Variants in LRFN5 observed in about 807,000 individuals in gnomAD.
The protein encoded by LRFN5 is leucine-rich repeat and fibronectin type-III domain-containing protein 5.
In LRFN5, 24 loss-of-function variants were observed where a neutral mutation model predicts 45.6. The ratio of observed to expected loss-of-function variants is 0.53; its 90% CI spans 0.38 to 0.74. The LOEUF is 0.74. LRFN5 is among the 30% of genes least tolerant of loss of function. The pLI is 0.00. For synonymous variants in LRFN5, 340 were observed against 313.8 expected, an observed-to-expected ratio of 1.08 and a Z score of -0.88; for missense variants, 776 against 861.5, an observed-to-expected ratio of 0.90 and a Z score of 1.24.
At chr14:41,875,078 A>C (rs953210486) in intron 2 of LRFN5, among the ~76,000 whole-genome samples, 5 of 152,218 alleles carry the variant, frequency 3.3e-5, no homozygotes, top group Non-Finnish European at 7.3e-5. Flanking sequence ...GAGAAAGTCA[A>C]ACAATATCAA....
chr14:41,904,257 A>C lies in LRFN5; in HGVS notation c.*82A>C. 6.7e-7 allele frequency: 1 copy of C among 1,502,218 alleles called. No homozygotes were observed. Among genetic ancestry groups the C allele is most frequent in the Non-Finnish European group, 9.2e-7 (1 of 1,085,680 alleles). The allele number at this position is 1,502,218 out of a possible 1,614,324, so 93.1% of individuals were successfully genotyped here. A position where few individuals can be genotyped will look rare whatever the true frequency, so the allele number is the denominator to read the frequency against. On this transcript the variant is annotated 3_prime_UTR_variant, in exon 6 of 6. Coordinates refer to ENST00000298119, the MANE Select transcript of LRFN5 (RefSeq NM_152447.5). ...ATAAAATTCAAAAATGTTTCAATTC[A>C]CAAAGGCTAATTGTTGAACTGGTGT...
At chr14:41,759,247 C>T (rs1885543928) in intron 1 of LRFN5, among the ~76,000 whole-genome samples, 1 of 152,086 alleles carries the variant, frequency 6.6e-6, no homozygotes, top group African/African-American at 2.4e-5. Flanking sequence ...AGAATATTTG[C>T]AGTTCTTCGA....
chr14:41,724,938 C>T (rs914452663), intron 1 of LRFN5, among the ~76,000 whole-genome samples: 1 of 152,040 alleles, frequency 6.6e-6, no homozygotes, highest in East Asian at 1.9e-4. Flanking sequence ...GACTATATTC[C>T]CTTATTTTTT....
chr14:41,713,837 G>C (rs1156432000), intron 1 of LRFN5, among the ~76,000 whole-genome samples: 1 of 152,054 alleles, frequency 6.6e-6, no homozygotes, highest in Non-Finnish European at 1.5e-5. Context: ...GTGTGTTCAT[G>C]CCTTATAACT....
intron 2 of LRFN5, among the ~76,000 whole-genome samples, chr14:41,812,111 T>C (rs1306016236): frequency 6.6e-6 from 1 of 152,096 alleles, no homozygotes; most frequent in Non-Finnish European, 1.5e-5. Context: ...AACCTTATTA[T>C]AAACTAATTA....
At chr14:41,845,292 G>A (rs921690364) in intron 2 of LRFN5, among the ~76,000 whole-genome samples, 5 of 152,094 alleles carry the variant, frequency 3.3e-5, no homozygotes, top group Non-Finnish European at 7.4e-5. Flanking sequence ...CAACCAGACA[G>A]CATGTATAGT....
At chr14:41,727,293 A>C (rs1447118028) in intron 1 of LRFN5, among the ~76,000 whole-genome samples, 1 of 152,142 alleles carries the variant, frequency 6.6e-6, no homozygotes, top group Non-Finnish European at 1.5e-5. Context: ...ATAAACATCA[A>C]ATCAGCAATG....
chr14:41,757,495 T>G (rs867239338), intron 1 of LRFN5, among the ~76,000 whole-genome samples: 4 of 152,202 alleles, frequency 2.6e-5, no homozygotes, highest in Admixed American at 2.6e-4. Flanking sequence ...GCCTTGCAGT[T>G]TGATCTCAGA....
rs1883261043 is a variant in LRFN5, at chr14:41,710,989, G to A, written c.-196-55865G>A. Among the ~76,000 whole-genome samples, 3 of 113,166 alleles carry A rather than the reference G, an allele frequency of 2.7e-5. No individual in the cohort carries two copies. The South Asian group carries it at 7.6e-4, about 29-fold the overall frequency. The allele number at this position is 113,166 out of a possible 152,430, so 74.2% of individuals were successfully genotyped here. A position where few individuals can be genotyped will look rare whatever the true frequency, so the allele number is the denominator to read the frequency against. ...TATTCCATGGTGTATATGTGCTGAT[G>A]CATTTTTCATCTGACTTGCATATTT... On this transcript the variant is annotated intron_variant, in intron 1 of 5. Transcript: ENST00000298119.
intron 1 of LRFN5, among the ~76,000 whole-genome samples, chr14:41,616,517 T>C (rs1887929805): frequency 1.3e-5 from 2 of 152,130 alleles, no homozygotes; most frequent in African/African-American, 4.8e-5. Context: ...AATTAAGTTT[T>C]GTTACCTCCT....
intron 1 of LRFN5, among the ~76,000 whole-genome samples, chr14:41,681,137 G>A (rs1416322147): frequency 6.6e-6 from 1 of 152,034 alleles, no homozygotes; most frequent in Non-Finnish European, 1.5e-5. Context: ...CCTCAAAAGG[G>A]CAAATCCAAG....
At chr14:41,832,870 A>C (rs1047567503) in intron 2 of LRFN5, among the ~76,000 whole-genome samples, 1 of 152,158 alleles carries the variant, frequency 6.6e-6, no homozygotes, top group Non-Finnish European at 1.5e-5. Context: ...ATTGTCATAC[A>C]TTCTTTTCTT....
chr14:41,783,269 T>G (rs1249502773), intron 2 of LRFN5, among the ~76,000 whole-genome samples: 2 of 152,152 alleles, frequency 1.3e-5, no homozygotes, highest in Non-Finnish European at 2.9e-5. Flanking sequence ...ACTCTCACTC[T>G]CAGCCTTCAG....
chr14:41,616,803 G>A (rs1276205140), intron 1 of LRFN5, among the ~76,000 whole-genome samples: 2 of 151,990 alleles, frequency 1.3e-5, no homozygotes, highest in African/African-American at 4.8e-5. Flanking sequence ...CCACATCTAG[G>A]TATAGTTATT....
chr14:41,877,414 G>T (rs1323131488), intron 2 of LRFN5, among the ~76,000 whole-genome samples: 1 of 152,032 alleles, frequency 6.6e-6, no homozygotes, highest in Non-Finnish European at 1.5e-5. Flanking sequence ...GTTAGAGAAG[G>T]CACAAGTTAG....
At chr14:41,781,569 AAAGAAAGAAAG>A (rs1886493359) in intron 2 of LRFN5, among the ~76,000 whole-genome samples, 1 of 60,596 alleles carries the variant, frequency 1.7e-5, no homozygotes, top group African/African-American at 1.1e-4. Flanking sequence ...AGAAAGAAAG[AAAGAAAGAAAG>A]AAAGAAAGAA....
chr14:41,797,750 A>G (rs377541463), intron 2 of LRFN5, among the ~76,000 whole-genome samples: 22 of 151,876 alleles, frequency 1.4e-4, no homozygotes, highest in African/African-American at 4.8e-4. Flanking sequence ...CATCTTTGAG[A>G]AAACTAACAT....
rs542005822 is a variant in LRFN5 at position 41,684,077 on chromosome 14, A to G, written c.-197+75515A>G. Reference sequence around the variant, plus strand: ...ACACAGCTATAGTATCCCACACAACATAGTGCAGAGACATAAAGCAATGGA... The same window carrying G: ...ACACAGCTATAGTATCCCACACAACGTAGTGCAGAGACATAAAGCAATGGA... On this transcript the variant is annotated intron_variant, in intron 1 of 5. Transcript: ENST00000298119. 2.0e-5 allele frequency among the ~76,000 whole-genome samples: 3 copies of G among 152,334 alleles called. No individual in the cohort carries two copies. The East Asian group carries it at 5.8e-4, about 29-fold the overall frequency.
rs570956567 is a variant in LRFN5, at chr14:41,609,887, A to G, written c.-197+1325A>G. ...ATTTTCCCCCACTCGCTGCATTTCT[A>G]TAGATATCCATATGATGGCATTTGC... On this transcript the variant is annotated intron_variant, in intron 1 of 5. Coordinates refer to ENST00000298119, the MANE Select transcript of LRFN5 (RefSeq NM_152447.5). Among the ~76,000 whole-genome samples, 12 of 152,202 alleles carry G rather than the reference A, an allele frequency of 7.9e-5. No individual in the cohort carries two copies. In the East Asian group the frequency reaches 2.3e-3, roughly 29 times the overall value.
Sources: gnomAD v4.1 joint callset for allele counts (sites outside exome capture counted in the v4.1 genomes callset) on GRCh38, gnomAD v4.1.1 for gene constraint, MANE v1.5 for transcripts, NCBI Gene and HGNC (gene_info 2026-07-23, HGNC 2026-07-21) for gene names.